The following KPNB1 variants were observed in gnomAD, a reference collection of about 807,000 sequenced individuals.
The protein encoded by KPNB1 is importin subunit beta-1.
In KPNB1, 7 loss-of-function variants were observed where a neutral mutation model predicts 113.0. The ratio of observed to expected loss-of-function variants is 0.06; its 90% CI spans 0.04 to 0.12. The LOEUF (loss-of-function observed/expected upper bound fraction) is 0.12. Among genes scored for constraint, KPNB1 ranks in the 10% least tolerant of loss-of-function variants. The pLI is 1.00. For missense variants in KPNB1, 400 were observed against 1,054.8 expected, an observed-to-expected ratio of 0.38 and a Z score of 8.60; for synonymous variants, 363 against 378.6, an observed-to-expected ratio of 0.96 and a Z score of 0.48.
At chr17:47,676,291 T>G in intron 15 of KPNB1, 118 bp from the exon 16 acceptor site, 1 of 745,132 alleles carries the variant, frequency 1.3e-6, no homozygotes, top group Non-Finnish European at 2.4e-6. Flanking sequence ...TAAAGCACAT[T>G]TCACCCAACC....
rs1221737193 is a variant in KPNB1 at position 47,684,340 on chromosome 17, C to T, written c.*1936C>T. On this transcript the variant is annotated 3_prime_UTR_variant, in exon 22 of 22. Transcript: ENST00000290158. ...TCAAAGTCAAGTGCCGATCTATGAA[C>T]CAGTGTACAAAAAAAAAAAAATCCA... is the stretch of plus-strand genomic sequence containing the variant. 2 of 150,496 alleles carry T rather than the reference C, an allele frequency of 1.3e-5. No homozygotes were observed. Among genetic ancestry groups the T allele is most frequent in the Non-Finnish European group, 3.0e-5 (2 of 67,792 alleles). The allele number at this position is 150,496 out of a possible 1,614,324, so 9.3% of individuals were successfully genotyped here. A position where few individuals can be genotyped will look rare whatever the true frequency, so the allele number is the denominator to read the frequency against.
In KPNB1 at chr17:47,666,477, GTTATATA is replaced by G. The variant is rs202007604; in HGVS notation, c.999+1329_999+1335del. On this transcript the variant is annotated intron_variant, in intron 9 of 21. Coordinates refer to ENST00000290158, the MANE Select transcript of KPNB1 (RefSeq NM_002265.6). The stretch of plus-strand genomic sequence containing the variant: ...TTATGTTATATATATTTTATATAAT[GTTATATA>G]TTATATATTTTATATAATGTTATAT... Among the ~76,000 whole-genome samples, 228 of 136,914 alleles carry G rather than the reference GTTATATA, an allele frequency of 1.7e-3. 1 individual carries two copies. The highest frequency in any genetic ancestry group is 5.6e-3 in the African/African-American group (210 of 37,248). 89.8% of individuals were successfully genotyped at this position (136,914 alleles called of 152,430 possible).
intron 6 of KPNB1, among the ~76,000 whole-genome samples, chr17:47,661,530 AG>A (rs2030096807): frequency 6.6e-6 from 1 of 152,206 alleles, no homozygotes; most frequent in Non-Finnish European, 1.5e-5. Context: ...TGAACCTGGG[AG>A]GTGGAGGTTG....
rs756513940 is a variant in KPNB1 at position 47,665,057 on chromosome 17, G to A, written c.898G>A (p.Ala300Thr). 2 of 1,613,916 alleles carry A rather than the reference G, an allele frequency of 1.2e-6. No individual in the cohort carries two copies. Among genetic ancestry groups the A allele is most frequent in the Non-Finnish European group, 1.7e-6 (2 of 1,179,834 alleles). The change falls in exon 9 of 22, where the codon GCA (alanine) becomes ACA (threonine). Residue 300 changes from alanine to threonine, a missense_variant and splice_region_variant. By Grantham distance (58) the Ala-to-Thr change is moderately conservative (BLOSUM62 0). This residue lies in a region of KPNB1 where 285 missense variants were observed against 627.0 expected (regional missense o/e 0.45). Coordinates refer to ENST00000290158, the MANE Select transcript of KPNB1 (RefSeq NM_002265.6). Reference protein sequence around the residue: ...EMDLAIEASEAAEQGRPPEHT... With the variant: ...EMDLAIEASETAEQGRPPEHT... ...TAGAATTTGCTTTGTTTCTCCTCAG[G>A]CAGCAGAACAAGGACGGCCCCCTGA...
intron 19 of KPNB1, chr17:47,678,650 C>T: frequency 2.2e-6 from 1 of 457,398 alleles, no homozygotes; most frequent in South Asian, 2.3e-5. Flanking sequence ...CTCTGTTGCC[C>T]AGGCTGGAGT....
intron 9 of KPNB1, among the ~76,000 whole-genome samples, chr17:47,666,394 TTGTGTG>T (rs140549997): frequency 1.9e-4 from 27 of 139,656 alleles, no homozygotes; most frequent in Admixed American, 3.7e-4. Flanking sequence ...GTCTTTACTT[TTGTGTG>T]TGTGTGTGTG....
At chr17:47,672,657 G>A (rs1469916353) in intron 12 of KPNB1, among the ~76,000 whole-genome samples, 2 of 152,014 alleles carry the variant, frequency 1.3e-5, no homozygotes, top group African/African-American at 4.8e-5. Flanking sequence ...TAAATTGCTG[G>A]GATTATAGGC....
Position 47,656,977 on chromosome 17 carries a change from G to C in KPNB1, c.400G>C (p.Val134Leu). The C allele has an allele frequency of 6.2e-7, 1 of 1,614,124 alleles. No individual in the cohort carries two copies. The highest frequency in any genetic ancestry group is 8.5e-7 in the Non-Finnish European group (1 of 1,180,026). Residue 134 changes from valine (V) to leucine (L), a missense_variant, in exon 4 of 22, where the codon GTG (valine) becomes CTG (leucine). Physicochemically the swap from Val to Leu is conservative, Grantham distance 32. Around this residue, in one of 2 missense-constraint regions of KPNB1, gnomAD observed 285 missense variants for 627.0 expected, o/e 0.45. Coordinates refer to ENST00000290158, the MANE Select transcript of KPNB1 (RefSeq NM_002265.6). ...GTGGCCAGAACTCATTCCTCAGCTG[G>C]TGGCCAATGTCACAAACCCCAACAG... ...NQWPELIPQLVANVTNPNSTE... is the reference protein window; with the variant it reads ...NQWPELIPQLLANVTNPNSTE...
intron 19 of KPNB1, 105 bp downstream of exon 19, chr17:47,678,518 G>C (rs2030678030): frequency 3.9e-6 from 3 of 763,514 alleles, no homozygotes; most frequent in Non-Finnish European, 6.8e-6. Context: ...AGTGCCTGTT[G>C]CTTAAAAGGC....
intron 2 of KPNB1, among the ~76,000 whole-genome samples, chr17:47,652,391 A>G (rs1597921183): frequency 6.6e-6 from 1 of 152,194 alleles, no homozygotes; most frequent in Middle Eastern, 3.2e-3. Context: ...AAACCTTGCA[A>G]TTCGGGGGTC....
rs2030447263 is a variant in KPNB1, at chr17:47,671,540, ATTAATTAAT to A, written c.1547+712_1547+720del. Among the ~76,000 whole-genome samples, 17 of 151,964 alleles carry A rather than the reference ATTAATTAAT, an allele frequency of 1.1e-4. No individual in the cohort carries two copies. In the South Asian group the frequency reaches 3.5e-3, roughly 32 times the overall value. ...CATTTTTATTTTATTTTATTAATTA[ATTAATTAAT>A]TTATTTTGAGACAGAGTGTTGCTCT... On this transcript the variant is annotated intron_variant, in intron 12 of 21. Transcript: ENST00000290158.
At chr17:47,681,295 GTC>G (rs1374448681) in intron 21 of KPNB1, among the ~76,000 whole-genome samples, 1 of 139,500 alleles carries the variant, frequency 7.2e-6, no homozygotes, top group Non-Finnish European at 1.5e-5. Flanking sequence ...TTTGGAGACA[GTC>G]TCGCTCTGTC....
In KPNB1 at chr17:47,683,865, T is replaced by A. The variant is rs2030870181; in HGVS notation, c.*1461T>A. The A allele has an allele frequency of 6.6e-6, 1 of 152,454 alleles. No individual in the cohort carries two copies. The highest frequency in any genetic ancestry group is 2.1e-4 in the South Asian group (1 of 4,830). The allele number at this position is 152,454 out of a possible 1,614,324, so 9.4% of individuals were successfully genotyped here. A position where few individuals can be genotyped will look rare whatever the true frequency, so the allele number is the denominator to read the frequency against. On this transcript the variant is annotated 3_prime_UTR_variant, in exon 22 of 22. Transcript: ENST00000290158. ...TGTCAAACGTCCCCTGGTCACACAC[T>A]TGAATATTTTTTTAGAAGTGTGATG...
At position 47,656,849 on chromosome 17, in the gene KPNB1, T is replaced by C. The variant is rs1430974188; in HGVS notation, c.283-11T>C. On this transcript the variant is annotated splice_polypyrimidine_tract_variant and intron_variant, in intron 3 of 21. Coordinates refer to ENST00000290158, the MANE Select transcript of KPNB1 (RefSeq NM_002265.6). ...AGAAATTTGTATCTTTTGTCTTTTTTTTTGGTGCAGGTTTTGCAGACATTG... is the reference window on the plus strand; with the variant it reads ...AGAAATTTGTATCTTTTGTCTTTTTCTTTGGTGCAGGTTTTGCAGACATTG... 2 of 1,612,300 alleles carry C rather than the reference T, an allele frequency of 1.2e-6. No individual in the cohort carries two copies. The highest frequency in any genetic ancestry group is 1.1e-5 in the South Asian group (1 of 91,044).
At chr17:47,667,610 C>T (rs914391332) in intron 9 of KPNB1, among the ~76,000 whole-genome samples, 6 of 150,604 alleles carry the variant, frequency 4.0e-5, no homozygotes, top group African/African-American at 1.2e-4. Context: ...CAGGCTGGAG[C>T]ACAGTGGCAC....
At chr17:47,663,931 G>A (rs999545459) in intron 7 of KPNB1, among the ~76,000 whole-genome samples, 58 of 151,436 alleles carry the variant, frequency 3.8e-4, no homozygotes, top group African/African-American at 1.1e-3. Context: ...GTTGCAGTAA[G>A]CTGAGATTGT....
intron 10 of KPNB1, 136 bp downstream of exon 10, chr17:47,668,546 A>G: frequency 1.4e-6 from 1 of 690,490 alleles, no homozygotes; most frequent in Non-Finnish European, 2.4e-6. Context: ...ACTTTTAATG[A>G]GGGTAAAATA....
chr17:47,657,080 A>G lies in KPNB1; in HGVS notation c.483+20A>G, dbSNP rs772436193. ...GATATAGTAAGTGCTTGCCTAATGT[A>G]TCTGGTTTATATACCTCTGATTGCC... On this transcript the variant is annotated intron_variant, in intron 4 of 21. Transcript: ENST00000290158. The G allele has an allele frequency of 8.1e-6, 13 of 1,601,342 alleles. No homozygotes were observed. Among genetic ancestry groups the G allele is most frequent in the African/African-American group, 1.3e-5 (1 of 74,714 alleles).
chr17:47,681,686 G>GTTTGTTTTTTTTTTT (rs1567896578), intron 21 of KPNB1, among the ~76,000 whole-genome samples: 4 of 96,034 alleles, frequency 4.2e-5, no homozygotes, highest in Non-Finnish European at 7.6e-5. Flanking sequence ...GGAATTATAG[G>GTTTGTTTTTTTTTTT]TTTTTTTTTT....
Sources: gnomAD v4.1 joint callset for allele counts (sites outside exome capture counted in the v4.1 genomes callset) on GRCh38, gnomAD v4.1.1 for gene constraint, gnomAD v4.1.1 regional missense constraint, MANE v1.5 for transcripts, NCBI Gene and HGNC (gene_info 2026-07-23, HGNC 2026-07-21) for gene names.